The following NAALADL2 variants were observed in gnomAD, a reference collection of about 807,000 sequenced individuals.
NAALADL2 encodes the protein N-acetylated alpha-linked acidic dipeptidase like 2.
In NAALADL2, 76 loss-of-function variants were observed where a neutral mutation model predicts 87.2. That is an observed-to-expected ratio of 0.87 (90% CI 0.72 to 1.05). The LOEUF is 1.05. NAALADL2 is among the 50% of genes least tolerant of loss of function. The pLI, the probability that NAALADL2 is intolerant of heterozygous loss-of-function variation, is 0.00. For missense variants in NAALADL2, 1,089 were observed against 945.8 expected (o/e 1.15, Z -1.99); for synonymous variants, 354 against 331.0 (o/e 1.07, Z -0.75).
At chr3:174,934,731 A>AAAC (rs201847790) in intron 1 of NAALADL2, among the ~76,000 whole-genome samples, 13 of 152,030 alleles carry the variant, frequency 8.6e-5, no homozygotes, top group African/African-American at 1.4e-4. Context: ...AATAGTGCTC[A>AAAC]AACAACAACA....
chr3:174,956,585 A>T (rs1419655563), intron 1 of NAALADL2, among the ~76,000 whole-genome samples: 2 of 152,120 alleles, frequency 1.3e-5, no homozygotes, highest in Non-Finnish European at 2.9e-5. Flanking sequence ...TGCCTGCCAC[A>T]TATAAGTACT....
intron 9 of NAALADL2, among the ~76,000 whole-genome samples, chr3:175,503,528 C>A (rs556648435): frequency 6.6e-6 from 1 of 152,288 alleles, no homozygotes; most frequent in Non-Finnish European, 1.5e-5. Context: ...AGTGGCTGAA[C>A]TAATTTACAT....
intron 1 of NAALADL2, among the ~76,000 whole-genome samples, chr3:175,053,219 A>G (rs1357921562): frequency 2.6e-5 from 4 of 152,230 alleles, no homozygotes; most frequent in Non-Finnish European, 4.4e-5. Context: ...CATTATTGCC[A>G]GCCAAGATTG....
At chr3:174,803,950 G>C (rs1259448339) in intron 3 of NAALADL2, among the ~76,000 whole-genome samples, 2 of 152,038 alleles carry the variant, frequency 1.3e-5, no homozygotes, top group African/African-American at 4.8e-5. Context: ...GTGGCTATGC[G>C]GGCTCTTTTT....
chr3:174,708,327 G>A (rs1374731507), intron 2 of NAALADL2, among the ~76,000 whole-genome samples: 4 of 152,166 alleles, frequency 2.6e-5, no homozygotes, highest in Non-Finnish European at 2.9e-5. Context: ...TATTGTTTAA[G>A]TTATTGCTAC....
At chr3:174,622,618 T>C (rs1043712728) in intron 2 of NAALADL2, among the ~76,000 whole-genome samples, 7 of 152,236 alleles carry the variant, frequency 4.6e-5, no homozygotes, top group African/African-American at 1.7e-4. Context: ...TTTCTATATG[T>C]ATGATATACT....
At chr3:174,453,505 A>G (rs1715623189) in intron 1 of NAALADL2, among the ~76,000 whole-genome samples, 1 of 152,190 alleles carries the variant, frequency 6.6e-6, no homozygotes, top group Admixed American at 6.5e-5. Flanking sequence ...AAAAGTGTTA[A>G]AGGCAGCTAG....
At chr3:174,580,238 A>G (rs562992240) in intron 2 of NAALADL2, among the ~76,000 whole-genome samples, 1 of 152,236 alleles carries the variant, frequency 6.6e-6, no homozygotes, top group African/African-American at 2.4e-5. Context: ...AAAAAGTTAC[A>G]CACTTTTGAA....
intron 1 of NAALADL2, among the ~76,000 whole-genome samples, chr3:174,476,042 A>G (rs1717190696): frequency 6.6e-6 from 1 of 152,030 alleles, no homozygotes; most frequent in Non-Finnish European, 1.5e-5. Flanking sequence ...TTTTATTCAA[A>G]CTTTACATTC....
At chr3:174,836,473 G>A (rs922016431) in intron 3 of NAALADL2, among the ~76,000 whole-genome samples, 8 of 151,864 alleles carry the variant, frequency 5.3e-5, no homozygotes, top group African/African-American at 7.3e-5. Context: ...AGGCCGAGGC[G>A]GGTGGATCAT....
At chr3:174,701,303 A>T (rs948633855) in intron 2 of NAALADL2, among the ~76,000 whole-genome samples, 3 of 151,796 alleles carry the variant, frequency 2.0e-5, no homozygotes, top group Admixed American at 2.0e-4. Context: ...TAGCACTGAA[A>T]ATTGTTGAGC....
chr3:175,283,655 GCA>G (rs1321473102), intron 4 of NAALADL2, among the ~76,000 whole-genome samples: 24 of 152,098 alleles, frequency 1.6e-4, no homozygotes, highest in Non-Finnish European at 2.6e-4. Context: ...ATACAACAAA[GCA>G]GAAATAACAG....
chr3:174,773,266 A>G (rs142733890), intron 3 of NAALADL2, among the ~76,000 whole-genome samples: 33 of 152,308 alleles, frequency 2.2e-4, no homozygotes, highest in African/African-American at 7.5e-4. Flanking sequence ...AATAAAGACA[A>G]TATCCCACAA....
intron 6 of NAALADL2, among the ~76,000 whole-genome samples, 195 bp from the exon 7 acceptor site, chr3:175,463,206 C>T (rs890896047): frequency 2.6e-5 from 4 of 151,990 alleles, no homozygotes; most frequent in Non-Finnish European, 5.9e-5. Context: ...GTCATCACTG[C>T]GTAACAAACA....
intron 5 of NAALADL2, among the ~76,000 whole-genome samples, chr3:175,408,678 T>A (rs1395788826): frequency 2.6e-5 from 4 of 152,012 alleles, no homozygotes; most frequent in Non-Finnish European, 4.4e-5. Context: ...TAAAATAGAT[T>A]GGTCTTGTTT....
intron 5 of NAALADL2, among the ~76,000 whole-genome samples, chr3:175,385,675 T>A (rs540685122): frequency 2.6e-5 from 4 of 152,122 alleles, no homozygotes; most frequent in Non-Finnish European, 5.9e-5. Flanking sequence ...AGGTGACGGG[T>A]CTCCCAATTA....
At chr3:175,016,465 A>G (rs1161353650) in intron 1 of NAALADL2, among the ~76,000 whole-genome samples, 1 of 151,372 alleles carries the variant, frequency 6.6e-6, no homozygotes, top group Non-Finnish European at 1.5e-5. Flanking sequence ...TTATATGAGT[A>G]TATATGGTAA....
chr3:175,467,228 G>A, intron 8 of NAALADL2, 44 bp downstream of exon 8: 1 of 1,514,432 alleles, frequency 6.6e-7, no homozygotes. Context: ...TCTTTTCTTA[G>A]TTTGCTAAAG....
At chr3:175,740,657 T>C (rs529746599) in intron 12 of NAALADL2, among the ~76,000 whole-genome samples, 1 of 152,316 alleles carries the variant, frequency 6.6e-6, no homozygotes, top group East Asian at 1.9e-4. Flanking sequence ...AAATTAATCC[T>C]TTATCACAAA....
Sources: allele counts gnomAD v4.1 joint callset (sites outside exome capture counted in the v4.1 genomes callset), GRCh38; gene constraint gnomAD v4.1.1; transcripts MANE v1.5; gene names NCBI Gene and HGNC (gene_info 2026-07-23, HGNC 2026-07-21).